COL19A1: variants seen among roughly 807,000 people sequenced by gnomAD.
COL19A1 encodes the protein collagen alpha-1(XIX) chain.
A neutral mutation model predicts 190.2 loss-of-function variants in COL19A1; 159 were observed. The observed-to-expected ratio is 0.84, with a 90% confidence interval of 0.73 to 0.95. COL19A1 has a LOEUF of 0.95. Among genes scored for constraint, COL19A1 ranks in the 40% least tolerant of loss-of-function variants. COL19A1 has a pLI of 0.00. For missense variants in COL19A1, 1,418 were observed against 1,431.9 expected (o/e 0.99, Z 0.16); for synonymous variants, 509 against 458.9 (o/e 1.11, Z -1.39).
chr6:69,988,703 C>A (rs1173732889), intron 11 of COL19A1, among the ~76,000 whole-genome samples: 1 of 152,156 alleles, frequency 6.6e-6, no homozygotes, highest in Admixed American at 6.6e-5. Context: ...TCTTCCCCTC[C>A]TCCCTCAGCA....
Position 70,023,644 on chromosome 6 carries a change from AG to A in COL19A1, c.1046del (p.Gly349GlufsTer14). The A allele has an allele frequency of 6.2e-7, 1 of 1,610,432 alleles. No individual in the cohort carries two copies. The highest frequency in any genetic ancestry group is 8.5e-7 in the Non-Finnish European group (1 of 1,178,986). On this transcript the variant is annotated frameshift_variant, in exon 12 of 51. Transcript: ENST00000620364. LOFTEE classifies it high-confidence loss of function. ...TGEKGEQGEKGDPALAGLNGE... is the reference protein window; with the variant it reads ...TGEKGEQGEKXDPALAGLNGE... ...CTTTTTAGGGTGAACAAGGAGAAAAAGGAGATCCAGCTCTGGCTGGCCTTAA... is the reference window on the plus strand; with the variant it reads ...CTTTTTAGGGTGAACAAGGAGAAAAAGAGATCCAGCTCTGGCTGGCCTTAA...
intron 42 of COL19A1, among the ~76,000 whole-genome samples, chr6:70,178,478 A>AT (rs1287286457): frequency 6.6e-6 from 1 of 152,216 alleles, no homozygotes. Context: ...TGCATGTTAG[A>AT]TTTTTATAAC....
intron 15 of COL19A1, among the ~76,000 whole-genome samples, chr6:70,090,090 A>T (rs942564946): frequency 9.2e-5 from 14 of 151,958 alleles, no homozygotes; most frequent in African/African-American, 3.4e-4. Context: ...AGGCAGGAGG[A>T]TACTTAAGCC....
intron 15 of COL19A1, among the ~76,000 whole-genome samples, chr6:70,083,061 G>GGGGGTTGGGGACCCCTGCCCT (rs1782366867): frequency 6.6e-6 from 1 of 152,294 alleles, no homozygotes; most frequent in African/African-American, 2.4e-5. Flanking sequence ...CCTGGGGCCT[G>GGGGGTTGGGGACCCCTGCCCT]GGGGTTGGGG....
chr6:70,156,772 C>A, intron 34 of COL19A1, 49 bp downstream of exon 34: 1 of 1,456,114 alleles, frequency 6.9e-7, no homozygotes. Context: ...ATTCTCTTTA[C>A]GTGGCTCAAC....
At chr6:70,118,060 A>G (rs1383249159) in intron 16 of COL19A1, among the ~76,000 whole-genome samples, 1 of 152,190 alleles carries the variant, frequency 6.6e-6, no homozygotes, top group African/African-American at 2.4e-5. Flanking sequence ...GAGCATCTAC[A>G]CCACCATGTG....
At chr6:70,126,145 A>T (rs2150217503) in intron 17 of COL19A1, among the ~76,000 whole-genome samples, 1 of 135,624 alleles carries the variant, frequency 7.4e-6, no homozygotes, top group South Asian at 2.6e-4. Flanking sequence ...TCTCCAAATT[A>T]TTGATCCAAA....
chr6:70,006,652 T>C (rs1339705666), intron 11 of COL19A1, among the ~76,000 whole-genome samples: 1 of 152,224 alleles, frequency 6.6e-6, no homozygotes, highest in Non-Finnish European at 1.5e-5. Context: ...GTATTTGTCA[T>C]GTCATATATT....
chr6:69,979,819 T>G (rs1775945580), intron 11 of COL19A1, among the ~76,000 whole-genome samples: 1 of 151,622 alleles, frequency 6.6e-6, no homozygotes, highest in African/African-American at 2.4e-5. Context: ...ATGGGAAATA[T>G]TCCATTAATA....
At chr6:69,925,877 GCTCT>G (rs1158566158) in intron 4 of COL19A1, among the ~76,000 whole-genome samples, 10 of 152,018 alleles carry the variant, frequency 6.6e-5, no homozygotes, top group African/African-American at 2.4e-4. Flanking sequence ...TCATGATTTG[GCTCT>G]CTGTTTGTTT....
At chr6:69,986,506 C>T (rs1322686481) in intron 11 of COL19A1, among the ~76,000 whole-genome samples, 1 of 152,026 alleles carries the variant, frequency 6.6e-6, no homozygotes, top group African/African-American at 2.4e-5. Context: ...GAAGTCTAGG[C>T]ATGTGCCTTG....
chr6:70,025,251 C>A (rs1023588076), intron 12 of COL19A1, among the ~76,000 whole-genome samples: 4 of 152,090 alleles, frequency 2.6e-5, no homozygotes, highest in Non-Finnish European at 5.9e-5. Context: ...AGGATGGTCT[C>A]GATCTCCTGA....
Position 70,209,787 on chromosome 6 carries a change from T to A in COL19A1, c.*2513T>A, listed in dbSNP as rs1768084366. On this transcript the variant is annotated 3_prime_UTR_variant, in exon 51 of 51. Transcript: ENST00000620364. The stretch of plus-strand genomic sequence containing the variant: ...GCCTTTCTCACCCTACTCTATTATT[T>A]ACCTTCAGATACTTTTTCCTGCCTC... 6.6e-6 allele frequency: 1 copy of A among 152,234 alleles called. No individual in the cohort carries two copies. The allele number at this position is 152,234 out of a possible 1,614,324, so 9.4% of individuals were successfully genotyped here.
chr6:69,903,501 C>T (rs1770319723), intron 4 of COL19A1, among the ~76,000 whole-genome samples: 1 of 152,178 alleles, frequency 6.6e-6, no homozygotes, highest in African/African-American at 2.4e-5. Context: ...GTTGGGTACA[C>T]TCTGCATGAT....
At chr6:70,037,002 GA>G (rs1779388883) in intron 14 of COL19A1, among the ~76,000 whole-genome samples, 1 of 152,048 alleles carries the variant, frequency 6.6e-6, no homozygotes, top group African/African-American at 2.4e-5. Flanking sequence ...AAAACCTAAG[GA>G]ACTAAATAGA....
chr6:70,109,685 T>C (rs1784178157), intron 16 of COL19A1, among the ~76,000 whole-genome samples: 1 of 152,028 alleles, frequency 6.6e-6, no homozygotes. Flanking sequence ...TTATCTTTAG[T>C]CTTTGAGTGG....
chr6:69,957,736 TA>T (rs1391100845), intron 9 of COL19A1, among the ~76,000 whole-genome samples: 1 of 152,182 alleles, frequency 6.6e-6, no homozygotes, highest in Non-Finnish European at 1.5e-5. Flanking sequence ...AAAAGAAAAC[TA>T]ATGTGTACCT....
intron 14 of COL19A1, among the ~76,000 whole-genome samples, chr6:70,050,544 T>C (rs1195081003): frequency 1.3e-5 from 2 of 152,062 alleles, no homozygotes; most frequent in Non-Finnish European, 2.9e-5. Flanking sequence ...TCTTCATAGG[T>C]AGAGGAAACA....
chr6:70,116,470 A>T lies in COL19A1; in HGVS notation c.1279-5410A>T, dbSNP rs550031478. Among the ~76,000 whole-genome samples the T allele has an allele frequency of 2.6e-5, 4 of 152,344 alleles. No homozygotes were observed. In the South Asian group the frequency reaches 8.3e-4, roughly 32 times the overall value. Reference sequence around the variant, plus strand: ...CACAAAGTTTTTGTTGCAACTGGGAATACAAACATGTACATAAGCCACTAT... The same window carrying T: ...CACAAAGTTTTTGTTGCAACTGGGATTACAAACATGTACATAAGCCACTAT... On this transcript the variant is annotated intron_variant, in intron 16 of 50. Coordinates refer to ENST00000620364, the MANE Select transcript of COL19A1 (RefSeq NM_001858.6).
Sources: allele counts gnomAD v4.1 joint callset (sites outside exome capture counted in the v4.1 genomes callset), GRCh38; gene constraint gnomAD v4.1.1; transcripts MANE v1.5; gene names NCBI Gene and HGNC (gene_info 2026-07-23, HGNC 2026-07-21).